Variants in CFAP54 observed in about 807,000 individuals in gnomAD.
The protein encoded by CFAP54 is cilia- and flagella-associated protein 54.
A neutral mutation model predicts 370.4 loss-of-function variants in CFAP54; 290 were observed. The observed-to-expected ratio is 0.78, with a 90% CI of 0.71 to 0.86. The LOEUF (loss-of-function observed/expected upper bound fraction) is 0.86. CFAP54 is among the 40% of genes least tolerant of loss of function. The probability of loss-of-function intolerance (pLI) is 0.00; values close to 1 mark genes in which losing one functional copy is unlikely to be tolerated. For synonymous variants in CFAP54, 1,206 were observed against 1,236.5 expected, an observed-to-expected ratio of 0.98 and a Z score of 0.52; for missense variants, 3,399 against 3,528.7, an observed-to-expected ratio of 0.96 and a Z score of 0.93.
At chr12:96,801,497 G>T (rs1592770135) in intron 63 of CFAP54, among the ~76,000 whole-genome samples, 2 of 152,118 alleles carry the variant, frequency 1.3e-5, no homozygotes, top group African/African-American at 2.4e-5. Flanking sequence ...TAGCTGCAAA[G>T]GGTGGTTTAT....
intron 65 of CFAP54, among the ~76,000 whole-genome samples, chr12:96,820,268 A>G (rs1959017222): frequency 6.6e-6 from 1 of 152,228 alleles, no homozygotes; most frequent in Non-Finnish European, 1.5e-5. Context: ...ATTGGGTGTC[A>G]GTAACAAAAT....
chr12:96,728,251 G>C (rs1205813319), intron 50 of CFAP54, among the ~76,000 whole-genome samples: 1 of 152,106 alleles, frequency 6.6e-6, no homozygotes. Context: ...AAGTTCTCCT[G>C]GATAATATCC....
At chr12:96,611,548 A>T (rs1318390149) in intron 26 of CFAP54, among the ~76,000 whole-genome samples, 1 of 152,242 alleles carries the variant, frequency 6.6e-6, no homozygotes, top group African/African-American at 2.4e-5. Flanking sequence ...AATGACTTTG[A>T]CGAGTTGAGA....
intron 5 of CFAP54, among the ~76,000 whole-genome samples, chr12:96,517,838 G>T (rs1955254900): frequency 6.6e-6 from 1 of 152,238 alleles, no homozygotes; most frequent in African/African-American, 2.4e-5. Flanking sequence ...TTCCGTGAGG[G>T]ATGGAAGTGC....
chr12:96,688,727 AT>A (rs1408211199), intron 42 of CFAP54, among the ~76,000 whole-genome samples, 188 bp from the exon 43 acceptor site: 1 of 152,170 alleles, frequency 6.6e-6, no homozygotes, highest in African/African-American at 2.4e-5. Context: ...TAGTAATCAT[AT>A]TTAGGCAGTA....
chr12:96,817,941 A>T, intron 65 of CFAP54, 28 bp downstream of exon 65: 1 of 1,386,850 alleles, frequency 7.2e-7, no homozygotes, highest in Non-Finnish European at 9.5e-7. Flanking sequence ...GGAAAATGAC[A>T]TTGCTATAGA....
chr12:96,732,536 A>C (rs1358225662), intron 50 of CFAP54, among the ~76,000 whole-genome samples: 1 of 152,152 alleles, frequency 6.6e-6, no homozygotes, highest in East Asian at 1.9e-4. Context: ...TATTTTATTT[A>C]TTTTAATATG....
At chr12:96,708,483 A>G (rs1957569847) in intron 47 of CFAP54, 125 bp from the exon 48 acceptor site, 5 of 716,544 alleles carry the variant, frequency 7.0e-6, no homozygotes, top group East Asian at 5.6e-5. Flanking sequence ...CCCATTTACA[A>G]TACCCCATGC....
intron 32 of CFAP54, among the ~76,000 whole-genome samples, chr12:96,633,802 A>C (rs1057494885): frequency 2.0e-5 from 3 of 152,198 alleles, no homozygotes; most frequent in South Asian, 2.1e-4. Flanking sequence ...TAAATACCCA[A>C]GAGTGCAATT....
chr12:96,646,549 C>T (rs1362700766), intron 33 of CFAP54: 1 of 152,152 alleles, frequency 6.6e-6, no homozygotes, highest in East Asian at 1.9e-4. Context: ...TGTGGCGATT[C>T]CTCAGGGATC....
intron 66 of CFAP54, among the ~76,000 whole-genome samples, chr12:96,859,013 G>C (rs1341235667): frequency 6.6e-6 from 1 of 152,000 alleles, no homozygotes; most frequent in African/African-American, 2.4e-5. Context: ...CTACACTACG[G>C]GACTACAGTA....
chr12:96,849,247 GT>G (rs1318281768), intron 66 of CFAP54, among the ~76,000 whole-genome samples: 2 of 152,106 alleles, frequency 1.3e-5, no homozygotes, highest in Admixed American at 6.5e-5. Context: ...AGCTATTAAA[GT>G]TTTTTTTCAT....
intron 48 of CFAP54, among the ~76,000 whole-genome samples, chr12:96,715,119 CA>C (rs1323739729): frequency 6.6e-6 from 1 of 152,088 alleles, no homozygotes; most frequent in Non-Finnish European, 1.5e-5. Flanking sequence ...GAGTGAGAAG[CA>C]GGGAGAAAGT....
chr12:96,698,033 G>T (rs992342070), intron 45 of CFAP54, among the ~76,000 whole-genome samples: 7 of 152,124 alleles, frequency 4.6e-5, no homozygotes, highest in African/African-American at 1.7e-4. Context: ...TCTCTTGAAG[G>T]TTTCCTTCAC....
At chr12:96,542,646 A>G (rs12230718) in intron 14 of CFAP54, among the ~76,000 whole-genome samples, 15,224 of 152,142 alleles carry the variant, frequency 0.1, 1,239 homozygotes, top group East Asian at 0.45. Flanking sequence ...AGCAAATACC[A>G]CCCCACCATG....
At chr12:96,605,496 G>T (rs1289454466) in intron 26 of CFAP54, among the ~76,000 whole-genome samples, 1 of 152,170 alleles carries the variant, frequency 6.6e-6, no homozygotes, top group African/African-American at 2.4e-5. Flanking sequence ...ACAAACTGGA[G>T]AGGTGAATTC....
chr12:96,762,861 G>A (rs7309238), intron 58 of CFAP54, among the ~76,000 whole-genome samples: 55,214 of 151,668 alleles, frequency 0.36, 10,802 homozygotes, highest in East Asian at 0.58. Context: ...CTTCTCCCAG[G>A]CTTAATGCTA....
chr12:96,535,202 A>G (rs1308972556), intron 11 of CFAP54, among the ~76,000 whole-genome samples: 3 of 151,990 alleles, frequency 2.0e-5, no homozygotes, highest in African/African-American at 7.3e-5. Context: ...GTGACTTGCC[A>G]CCATGCCCAG....
At chr12:96,693,060 G>A (rs1957403050) in intron 44 of CFAP54, among the ~76,000 whole-genome samples, 1 of 152,148 alleles carries the variant, frequency 6.6e-6, no homozygotes, top group Non-Finnish European at 1.5e-5. Flanking sequence ...ATATCCATGG[G>A]ACTTCAAGAG....
Sources: allele counts gnomAD v4.1 joint callset (sites outside exome capture counted in the v4.1 genomes callset), GRCh38; gene constraint gnomAD v4.1.1; transcripts MANE v1.5; gene names NCBI Gene and HGNC (gene_info 2026-07-23, HGNC 2026-07-21).